CCDC138: variants seen among roughly 807,000 people sequenced by gnomAD.
CCDC138 encodes coiled-coil domain-containing protein 138.
Under a neutral mutation model 82.3 loss-of-function variants are expected in CCDC138, and 66 were observed. The ratio of observed to expected loss-of-function variants is 0.80; its 90% CI spans 0.66 to 0.98. The LOEUF is 0.98. Among genes scored for constraint, CCDC138 ranks in the 50% least tolerant of loss-of-function variants. The probability of loss-of-function intolerance (pLI) is 0.00; values close to 1 mark genes in which losing one functional copy is unlikely to be tolerated. For synonymous variants in CCDC138, 297 were observed against 265.4 expected (o/e 1.12, Z -1.16); for missense variants, 816 against 758.9 (o/e 1.08, Z -0.88).
chr2:108,800,517 G>A (rs994840740), intron 6 of CCDC138, among the ~76,000 whole-genome samples: 9 of 148,702 alleles, frequency 6.1e-5, no homozygotes, highest in East Asian at 2.0e-4. Flanking sequence ...CACCTGCCTC[G>A]CCCTCCCAAA....
In CCDC138 at chr2:108,846,859, C is replaced by T. The variant is rs559842942; in HGVS notation, c.1445C>T (p.Ala482Val). ...HSVENKPKTAAFFKSSNLPLR... is the reference protein window; with the variant it reads ...HSVENKPKTAVFFKSSNLPLR... ...GTGGAGAATAAACCAAAGACAGCTG[C>T]TTTCTTTAAGAGCTCCAATTTGCCA... The change falls in exon 12 of 15, where the codon GCT (alanine) becomes GTT (valine). Residue 482 changes from alanine (A) to valine (V), a missense_variant. By Grantham distance (64) the Ala-to-Val change is moderately conservative (BLOSUM62 0). Coordinates refer to ENST00000295124, the MANE Select transcript of CCDC138 (RefSeq NM_144978.3). 1.9e-6 allele frequency: 3 copies of T among 1,613,676 alleles called. No homozygotes were observed. The South Asian group carries it at 3.3e-5, about 18-fold the overall frequency.
Position 108,786,785 on chromosome 2 carries a change from C to T in CCDC138, c.-38C>T, listed in dbSNP as rs771557786. 1.3e-6 allele frequency: 2 copies of T among 1,541,690 alleles called. No homozygotes were observed. Among genetic ancestry groups the T allele is most frequent in the Non-Finnish European group, 1.8e-6 (2 of 1,133,764 alleles). On this transcript the variant is annotated 5_prime_UTR_variant, in exon 1 of 15. The change creates a new upstream start codon in the 5' untranslated region. Transcript: ENST00000295124. ...CGCGTAGCGCCGCGGGTTTGATGAA[C>T]GCGGTTCCCGGGGAGACTGGTACGG...
chr2:108,848,178 G>A (rs1020512963), intron 12 of CCDC138, among the ~76,000 whole-genome samples: 1 of 152,118 alleles, frequency 6.6e-6, no homozygotes, highest in Non-Finnish European at 1.5e-5. Context: ...TAAGATGTTT[G>A]AAATAATATG....
intron 10 of CCDC138, among the ~76,000 whole-genome samples, chr2:108,817,101 A>G (rs1316276097): frequency 5.3e-5 from 8 of 152,166 alleles, no homozygotes; most frequent in Non-Finnish European, 1.0e-4. Context: ...GCACATGGCA[A>G]AAGGGAATTA....
chr2:108,855,327 T>G (rs182847662), intron 12 of CCDC138, among the ~76,000 whole-genome samples: 1 of 152,262 alleles, frequency 6.6e-6, no homozygotes, highest in African/African-American at 2.4e-5. Flanking sequence ...CAGCCTATTT[T>G]TAAAAACTGT....
chr2:108,840,345 A>G (rs978684570), intron 11 of CCDC138, among the ~76,000 whole-genome samples: 3 of 152,218 alleles, frequency 2.0e-5, no homozygotes, highest in African/African-American at 7.2e-5. Flanking sequence ...TATTAGGTTC[A>G]TAAAATGAAT....
intron 10 of CCDC138, among the ~76,000 whole-genome samples, chr2:108,824,973 T>A (rs1033621799): frequency 6.6e-6 from 1 of 152,210 alleles, no homozygotes; most frequent in African/African-American, 2.4e-5. Context: ...GAAATTGAGT[T>A]GTTTCAGAGG....
chr2:108,808,688 C>T (rs1438255825), intron 7 of CCDC138, among the ~76,000 whole-genome samples: 2 of 152,100 alleles, frequency 1.3e-5, no homozygotes, highest in African/African-American at 4.8e-5. Flanking sequence ...AGATTATTTA[C>T]CCATTTTTTA....
intron 6 of CCDC138, among the ~76,000 whole-genome samples, chr2:108,801,949 C>T (rs1681986032): frequency 1.6e-5 from 1 of 63,316 alleles, no homozygotes; most frequent in East Asian, 7.9e-4. Flanking sequence ...AGGTATGCGG[C>T]GTTATTTCTG....
At chr2:108,857,037 T>G (rs1312602912) in intron 13 of CCDC138, 67 bp downstream of exon 13, 1 of 563,574 alleles carries the variant, frequency 1.8e-6, no homozygotes, top group African/African-American at 2.0e-5. Flanking sequence ...CTTGTCTGCA[T>G]GTATAACTCC....
At chr2:108,823,821 A>G (rs1686108689) in intron 10 of CCDC138, among the ~76,000 whole-genome samples, 1 of 152,184 alleles carries the variant, frequency 6.6e-6, no homozygotes, top group Non-Finnish European at 1.5e-5. Flanking sequence ...TACTAAAAAT[A>G]CAGAAATTAG....
chr2:108,869,284 T>C, intron 13 of CCDC138, among the ~76,000 whole-genome samples: 1 of 152,170 alleles, frequency 6.6e-6, no homozygotes, highest in East Asian at 1.9e-4. Context: ...CATTCTGTGA[T>C]AATTTTACTC....
chr2:108,816,035 G>T lies in CCDC138; in HGVS notation c.1136G>T (p.Gly379Val), dbSNP rs748397222. ...AGCAAAGTGAAACATGAAGAATCTG[G>T]AATGGATGGTAAAAAACCACAACTC... ...HLSKVKHEES[G>V]MDGKKPQLKF... is the part of the protein sequence containing the mutation. Residue 379 changes from glycine to valine, a missense_variant, in exon 10 of 15, where the codon GGA becomes GTA. By Grantham distance (109) the Gly-to-Val change is moderately radical. Coordinates refer to ENST00000295124, the MANE Select transcript of CCDC138 (RefSeq NM_144978.3). 1 of 1,613,782 alleles carries T rather than the reference G, an allele frequency of 6.2e-7. No homozygotes were observed. Among genetic ancestry groups the T allele is most frequent in the East Asian group, 2.2e-5 (1 of 44,848 alleles).
chr2:108,879,220 C>T (rs925542126), downstream of CCDC138, among the ~76,000 whole-genome samples: 3 of 152,224 alleles, frequency 2.0e-5, no homozygotes, highest in African/African-American at 7.2e-5. Flanking sequence ...AGTCTTCCTG[C>T]CTCAGCCTTC....
intron 10 of CCDC138, among the ~76,000 whole-genome samples, chr2:108,828,119 T>TA (rs1686948481): frequency 2.6e-5 from 4 of 151,820 alleles, no homozygotes; most frequent in South Asian, 2.1e-4. Context: ...GGTTTACCAT[T>TA]AAAAAAAAGA....
At chr2:108,846,604 G>A (rs372141285) in intron 11 of CCDC138, 134 bp from the exon 12 acceptor site, 1 of 666,052 alleles carries the variant, frequency 1.5e-6, no homozygotes. Flanking sequence ...TTGAGCCCAG[G>A]AGTTTGAGGC....
intron 11 of CCDC138, among the ~76,000 whole-genome samples, chr2:108,843,486 C>CT (rs1030837739): frequency 6.6e-6 from 1 of 152,174 alleles, no homozygotes; most frequent in African/African-American, 2.4e-5. Context: ...GACACAAACT[C>CT]TTAGTTTTTC....
At position 108,876,108 on chromosome 2, in the gene CCDC138, A is replaced by C; in HGVS notation, c.1853A>C (p.Glu618Ala). 5.0e-6 allele frequency: 8 copies of C among 1,598,882 alleles called. No homozygotes were observed. Among genetic ancestry groups the C allele is most frequent in the Non-Finnish European group, 6.0e-6 (7 of 1,166,898 alleles). ...TACAGGAGTAATAAGAAGCTCTTTG[A>C]ACTTTTTACGATTCATCTGATGCTT... ...SKIKSNKKLF[E>A]LFTIHLMLQE... Residue 618 changes from glutamate to alanine, a missense_variant, in exon 15 of 15, where the codon GAA becomes GCA. Physicochemically the swap from Glu to Ala is moderately radical, Grantham distance 107. Transcript: ENST00000295124.
intron 10 of CCDC138, among the ~76,000 whole-genome samples, chr2:108,825,195 T>C (rs1686349477): frequency 6.6e-6 from 1 of 152,094 alleles, no homozygotes; most frequent in Admixed American, 6.6e-5. Context: ...GTCCAAAACT[T>C]AGAGAGACTT....
Sources: gnomAD v4.1 joint callset for allele counts (sites outside exome capture counted in the v4.1 genomes callset) on GRCh38, gnomAD v4.1.1 for gene constraint, MANE v1.5 for transcripts, NCBI Gene and HGNC (gene_info 2026-07-23, HGNC 2026-07-21) for gene names.